The following POMT1 variants were observed in gnomAD, a reference collection of about 807,000 sequenced individuals.
The protein encoded by POMT1 is protein O-mannosyl-transferase 1.
POMT1 carries 85 observed loss-of-function variants against 101.6 expected under a neutral mutation model. The ratio of observed to expected loss-of-function variants is 0.84; its 90% CI spans 0.70 to 1.00. The LOEUF (loss-of-function observed/expected upper bound fraction) is 1.00. POMT1 is among the 50% of genes least tolerant of loss of function. The pLI, the probability that POMT1 is intolerant of heterozygous loss-of-function variation, is 0.00. For missense variants in POMT1, 857 were observed against 930.4 expected, an observed-to-expected ratio of 0.92 and a Z score of 1.03; for synonymous variants, 371 against 383.0, an observed-to-expected ratio of 0.97 and a Z score of 0.37.
chr9:131,508,893 G>A lies in POMT1; in HGVS notation c.428-18G>A. 1.3e-6 allele frequency: 2 copies of A among 1,568,466 alleles called. No individual in the cohort carries two copies. The highest frequency in any genetic ancestry group is 1.1e-5 in the South Asian group (1 of 90,112). On this transcript the variant is annotated intron_variant, in intron 5 of 19. Coordinates refer to ENST00000402686, the MANE Select transcript of POMT1 (RefSeq NM_001077365.2). ...CCTTGCTACCTTAAAATTGACATGT[G>A]TTTCCTCTTTGAAACAGAGAATGCT...
At position 131,519,574 on chromosome 9, in the gene POMT1, A is replaced by G. The variant is rs1016060841; in HGVS notation, c.1584+88A>G. 2 of 1,294,048 alleles carry G rather than the reference A, an allele frequency of 1.5e-6. No individual in the cohort carries two copies. Among genetic ancestry groups the G allele is most frequent in the Non-Finnish European group, 2.2e-6 (2 of 925,664 alleles). 80.2% of individuals were successfully genotyped at this position (1,294,048 alleles called of 1,614,324 possible). A position where few individuals can be genotyped will look rare whatever the true frequency, so the allele number is the denominator to read the frequency against. On this transcript the variant is annotated intron_variant, in intron 16 of 19. Transcript: ENST00000402686. This position sits in a 1 kb window ranked among gnomAD's most constrained non-coding sequence, Gnocchi z 4.3. ...CTGGGGGCTGCACAGGACTCAAACC[A>G]GAGTCAGGCTTTGACGCTGGAGCTA...
chr9:131,523,621 T>C lies in POMT1; in HGVS notation c.*515T>C, dbSNP rs1412968693. 2 of 216,788 alleles carry C rather than the reference T, an allele frequency of 9.2e-6. No homozygotes were observed. Among genetic ancestry groups the C allele is most frequent in the Non-Finnish European group, 9.4e-6 (1 of 106,924 alleles). 13.4% of individuals were successfully genotyped at this position (216,788 alleles called of 1,614,324 possible). On this transcript the variant is annotated 3_prime_UTR_variant, in exon 20 of 20. Transcript: ENST00000402686. Reference sequence around the variant, plus strand: ...AGCCAGGGCTGGGGCTTGCATGTCATTGTCTATGACAGCGTCAAGACTGGC... The same window carrying C: ...AGCCAGGGCTGGGGCTTGCATGTCACTGTCTATGACAGCGTCAAGACTGGC...
Position 131,509,919 on chromosome 9 carries a change from G to A in POMT1, c.622G>A (p.Val208Met), listed in dbSNP as rs753231001. Reference sequence around the variant, plus strand: ...TCTTTGCAGCATCAAGTACATGGGTGTGTTCACGTACGTGCTCGTGCTGGG... The same window carrying A: ...TCTTTGCAGCATCAAGTACATGGGTATGTTCACGTACGTGCTCGTGCTGGG... ...SCAVGIKYMG[V>M]FTYVLVLGVA... Residue 208 changes from valine to methionine, a missense_variant, in exon 8 of 20, where the codon GTG becomes ATG. Val to Met is a conservative substitution (Grantham distance 21). Coordinates refer to ENST00000402686, the MANE Select transcript of POMT1 (RefSeq NM_001077365.2). 2.5e-6 allele frequency: 4 copies of A among 1,614,218 alleles called. No individual in the cohort carries two copies. Among genetic ancestry groups the A allele is most frequent in the South Asian group, 2.2e-5 (2 of 91,082 alleles).
chr9:131,513,341 CCCG>C lies in POMT1; in HGVS notation c.1175+14_1175+16del, dbSNP rs1381723392. ...CCCGCTCCCTGAACACGTGAGTGTG[CCCG>C]CCGTCTGCTCTGCTGCACCTGTGGG... On this transcript the variant is annotated intron_variant, in intron 12 of 19. Transcript: ENST00000402686. 4.4e-6 allele frequency: 7 copies of C among 1,607,514 alleles called. No individual in the cohort carries two copies. In the African/African-American group the frequency reaches 5.3e-5, roughly 12 times the overall value.
intron 13 of POMT1, 123 bp downstream of exon 13, chr9:131,515,645 A>G (rs1421600662): frequency 4.6e-6 from 4 of 878,414 alleles, no homozygotes; most frequent in Non-Finnish European, 7.5e-6. Context: ...ACTTCATCAC[A>G]CGGAGCACTT....
chr9:131,510,142 G>A (rs1946788392), intron 8 of POMT1, 118 bp from the exon 9 acceptor site: 1 of 1,609,890 alleles, frequency 6.2e-7, no homozygotes, highest in Non-Finnish European at 8.5e-7. Flanking sequence ...GCCTCTGCAG[G>A]TGCCTCTGTA....
chr9:131,511,617 G>T (rs1053021913), intron 10 of POMT1, 150 bp downstream of exon 10: 3 of 1,074,754 alleles, frequency 2.8e-6, no homozygotes, highest in East Asian at 5.2e-5. Context: ...AGTGAGCTTC[G>T]TGGTTCCCGG....
At chr9:131,518,418 A>G (rs1289473990) in intron 13 of POMT1, 27 bp from the exon 14 acceptor site, 3 of 1,571,374 alleles carry the variant, frequency 1.9e-6, no homozygotes, top group East Asian at 4.5e-5. Flanking sequence ...AAAGGAATGA[A>G]ATAATCCTTG....
intron 9 of POMT1, 161 bp from the exon 10 acceptor site, chr9:131,511,176 A>G: frequency 3.8e-6 from 3 of 787,578 alleles, no homozygotes; most frequent in South Asian, 1.8e-5. Flanking sequence ...ATGGTTCTAT[A>G]ATGTAACGTG....
Position 131,512,150 on chromosome 9 carries a change from C to T in POMT1, c.1082+14C>T. 2 of 1,613,322 alleles carry T rather than the reference C, an allele frequency of 1.2e-6. No homozygotes were observed. Among genetic ancestry groups the T allele is most frequent in the Non-Finnish European group, 1.7e-6 (2 of 1,179,688 alleles). On this transcript the variant is annotated intron_variant, in intron 11 of 19. Coordinates refer to ENST00000402686, the MANE Select transcript of POMT1 (RefSeq NM_001077365.2). The stretch of plus-strand genomic sequence containing the variant: ...GGATCCCAGGAGGTGAGTGCAGGTC[C>T]TGTGACTCCAGAGCAGAGCTCACCT...
intron 5 of POMT1, among the ~76,000 whole-genome samples, chr9:131,508,551 T>C (rs1157926138): frequency 6.6e-6 from 1 of 151,668 alleles, no homozygotes; most frequent in Non-Finnish European, 1.5e-5. Flanking sequence ...TAAATAAAAT[T>C]AGCCAGGTGT....
rs1395704835 is a variant in POMT1 at position 131,519,287 on chromosome 9, T to C, written c.1487-102T>C. 6.6e-6 allele frequency: 8 copies of C among 1,206,198 alleles called. No individual in the cohort carries two copies. The highest frequency in any genetic ancestry group is 9.5e-6 in the Non-Finnish European group (8 of 841,650). The allele number at this position is 1,206,198 out of a possible 1,614,324, so 74.7% of individuals were successfully genotyped here. A position where few individuals can be genotyped will look rare whatever the true frequency, so the allele number is the denominator to read the frequency against. On this transcript the variant is annotated intron_variant, in intron 15 of 19. Coordinates refer to ENST00000402686, the MANE Select transcript of POMT1 (RefSeq NM_001077365.2). This position sits in a 1 kb window ranked among gnomAD's most constrained non-coding sequence, Gnocchi z 4.3. Reference sequence around the variant, plus strand: ...ATGCGGTTCGATAAGGGGTCTTTGTTAGAAAGGCAGGAAGCCAGCTTTTTG... The same window carrying C: ...ATGCGGTTCGATAAGGGGTCTTTGTCAGAAAGGCAGGAAGCCAGCTTTTTG...
chr9:131,506,175 G>A lies in POMT1; in HGVS notation c.184G>A (p.Asp62Asn), dbSNP rs1945770663. The A allele has an allele frequency of 6.2e-7, 1 of 1,614,012 alleles. No homozygotes were observed. Among genetic ancestry groups the A allele is most frequent in the African/African-American group, 1.3e-5 (1 of 74,888 alleles). ...TTACATGAAACAAATCTTCTTCTTG[G>A]ATGACAGTGGGCCGCCATTTGGCCA... ...SFYMKQIFFL[D>N]DSGPPFGHMV... Residue 62 changes from aspartate to asparagine, a missense_variant, in exon 3 of 20, where the codon GAT becomes AAT. By Grantham distance (23) the Asp-to-Asn change is conservative (BLOSUM62 1). Transcript: ENST00000402686.
chr9:131,521,134 C>T, intron 17 of POMT1: 1 of 635,390 alleles, frequency 1.6e-6, no homozygotes, highest in Non-Finnish European at 2.8e-6. Flanking sequence ...TGTGCCACCA[C>T]ACCCGGCTGG....
At chr9:131,513,480 C>T (rs1175899656) in intron 12 of POMT1, 149 bp downstream of exon 12, 5 of 815,756 alleles carry the variant, frequency 6.1e-6, no homozygotes, top group South Asian at 1.5e-5. Context: ...ACATTTGATG[C>T]CGGGAGGGGA....
Position 131,522,436 on chromosome 9 carries a change from T to C in POMT1, c.2003+212T>C. ...AGGGAGAAGTCGCGGCTGACAGAGA[T>C]GAAAGCGGAGTGGGTGGGGAGACGG... On this transcript the variant is annotated intron_variant, in intron 19 of 19. Transcript: ENST00000402686. The surrounding 1 kb of genome is among the most constrained non-coding windows in gnomAD (Gnocchi z 5.5). 2.9e-6 allele frequency: 3 copies of C among 1,030,168 alleles called. No homozygotes were observed. Among genetic ancestry groups the C allele is most frequent in the Non-Finnish European group, 4.1e-6 (3 of 725,924 alleles). 63.8% of individuals were successfully genotyped at this position (1,030,168 alleles called of 1,614,324 possible). A position where few individuals can be genotyped will look rare whatever the true frequency, so the allele number is the denominator to read the frequency against.
At chr9:131,506,505 G>C (rs898370441) in intron 4 of POMT1, 52 bp downstream of exon 4, 2 of 1,526,314 alleles carry the variant, frequency 1.3e-6, no homozygotes, top group Non-Finnish European at 1.8e-6. Flanking sequence ...AGAATGAAGA[G>C]ATTGTGACTT....
Position 131,522,351 on chromosome 9 carries a change from C to T in POMT1, c.2003+127C>T, listed in dbSNP as rs1950114051. 2 of 1,512,724 alleles carry T rather than the reference C, an allele frequency of 1.3e-6. No individual in the cohort carries two copies. The highest frequency in any genetic ancestry group is 8.8e-7 in the Non-Finnish European group (1 of 1,130,226). The allele number at this position is 1,512,724 out of a possible 1,614,324, so 93.7% of individuals were successfully genotyped here. On this transcript the variant is annotated intron_variant, in intron 19 of 19. Coordinates refer to ENST00000402686, the MANE Select transcript of POMT1 (RefSeq NM_001077365.2). This position sits in a 1 kb window ranked among gnomAD's most constrained non-coding sequence, Gnocchi z 5.5. ...ACGTTACACTGACATCCTCCGGGTC[C>T]CTCCGGGGAATGGGTGAGGTTCAGA...
chr9:131,506,279 TATC>T (rs1945796029), intron 3 of POMT1, 59 bp downstream of exon 3: 1 of 1,582,742 alleles, frequency 6.3e-7, no homozygotes, highest in South Asian at 1.1e-5. Flanking sequence ...ATTTAAAACT[TATC>T]AGTGCATTTC....
Sources: gnomAD v4.1 joint callset for allele counts (sites outside exome capture counted in the v4.1 genomes callset) on GRCh38, gnomAD v4.1.1 for gene constraint, Gnocchi (gnomAD v3.1) non-coding constraint, MANE v1.5 for transcripts, NCBI Gene and HGNC (gene_info 2026-07-23, HGNC 2026-07-21) for gene names.